FRMD4A: variants seen among roughly 807,000 people sequenced by gnomAD.
The protein encoded by FRMD4A is FERM domain-containing protein 4A.
In FRMD4A, 29 loss-of-function variants were observed where a neutral mutation model predicts 129.1. The observed-to-expected ratio is 0.22, with a 90% CI of 0.17 to 0.31. The LOEUF is 0.31. FRMD4A is among the 10% of genes least tolerant of loss of function. FRMD4A has a pLI of 1.00. For missense variants in FRMD4A, 1,272 were observed against 1,375.8 expected (o/e 0.92, Z 1.19); for synonymous variants, 634 against 571.6 (o/e 1.11, Z -1.56).
intron 20 of FRMD4A, among the ~76,000 whole-genome samples, chr10:13,659,791 A>AC (rs768558860): frequency 6.0e-5 from 9 of 150,594 alleles, no homozygotes; most frequent in Non-Finnish European, 1.2e-4. Context: ...CTGTCCTGGC[A>AC]CCCCCCTTGG....
Position 13,657,105 on chromosome 10 carries a change from G to C in FRMD4A, c.2484C>G (p.Pro828=), listed in dbSNP as rs777791468. The change falls in exon 22 of 25, where the codon CCC becomes CCG. Residue 828 remains proline (P), a synonymous_variant. Coordinates refer to ENST00000357447, the MANE Select transcript of FRMD4A (RefSeq NM_018027.5). ...GGVYLHSQSQ[P]SSQYRIKEYP... ...ACTCCTTGATGCGGTACTGCGAGCT[G>C]GGCTGGCTCTGGCTGTGCAGGTACA... The C allele has an allele frequency of 6.4e-7, 1 of 1,565,534 alleles. No individual in the cohort carries two copies. The highest frequency in any genetic ancestry group is 1.4e-5 in the African/African-American group (1 of 72,480).
chr10:13,775,426 T>A (rs1043244103), intron 6 of FRMD4A, among the ~76,000 whole-genome samples: 1 of 150,524 alleles, frequency 6.6e-6, no homozygotes, highest in African/African-American at 2.4e-5. Context: ...CTGAGAGAAA[T>A]TTTTTTTTTG....
At chr10:14,206,455 A>T (rs1842783078) in intron 2 of FRMD4A, among the ~76,000 whole-genome samples, 1 of 151,988 alleles carries the variant, frequency 6.6e-6, no homozygotes, top group Admixed American at 6.6e-5. Flanking sequence ...ATTTCTTGTC[A>T]CTATCTCTTA....
intron 3 of FRMD4A, among the ~76,000 whole-genome samples, chr10:13,826,060 C>G (rs934746117): frequency 4.6e-5 from 7 of 152,242 alleles, no homozygotes; most frequent in African/African-American, 1.7e-4. Context: ...ATCTGCCTCA[C>G]TTTGAACATT....
chr10:13,888,285 A>T (rs144923982), intron 2 of FRMD4A, among the ~76,000 whole-genome samples: 1 of 152,098 alleles, frequency 6.6e-6, no homozygotes, highest in African/African-American at 2.4e-5. Context: ...TGGAGGAAAA[A>T]CCCAAATATC....
chr10:13,897,434 G>A (rs1452297575), intron 2 of FRMD4A, among the ~76,000 whole-genome samples: 2 of 152,140 alleles, frequency 1.3e-5, no homozygotes, highest in African/African-American at 2.4e-5. Context: ...GTGCTCTGAG[G>A]TTTGGAAATG....
intron 3 of FRMD4A, among the ~76,000 whole-genome samples, chr10:13,845,184 C>T (rs1343808635): frequency 6.6e-6 from 1 of 152,160 alleles, no homozygotes; most frequent in East Asian, 1.9e-4. Context: ...AAAACCTAGT[C>T]CACTTATTTA....
intron 3 of FRMD4A, among the ~76,000 whole-genome samples, chr10:13,845,274 A>G (rs1344103028): frequency 6.6e-6 from 1 of 152,180 alleles, no homozygotes; most frequent in Non-Finnish European, 1.5e-5. Context: ...CATGAGTTAT[A>G]TATGGCGTTG....
At chr10:14,079,748 G>A (rs1454684089) in intron 2 of FRMD4A, among the ~76,000 whole-genome samples, 2 of 152,184 alleles carry the variant, frequency 1.3e-5, no homozygotes, top group East Asian at 3.8e-4. Context: ...GGACCAGGCT[G>A]AGACTCAGAA....
intron 2 of FRMD4A, among the ~76,000 whole-genome samples, chr10:13,885,458 G>C (rs536261871): frequency 6.6e-6 from 1 of 152,142 alleles, no homozygotes; most frequent in Non-Finnish European, 1.5e-5. Context: ...TCCACATCAG[G>C]AGGCAGGGAC....
At chr10:13,972,605 G>A (rs1260870372) in intron 2 of FRMD4A, among the ~76,000 whole-genome samples, 1 of 152,122 alleles carries the variant, frequency 6.6e-6, no homozygotes, top group African/African-American at 2.4e-5. Flanking sequence ...TGCATGTTGG[G>A]TAAGCTACAG....
At chr10:13,755,089 TGTAGCTG>T (rs924360401) in intron 8 of FRMD4A, among the ~76,000 whole-genome samples, 14 of 152,342 alleles carry the variant, frequency 9.2e-5, no homozygotes, top group African/African-American at 3.4e-4. Context: ...GTCTCCATGT[TGTAGCTG>T]GCAAGAAAAT....
chr10:13,802,555 G>T (rs755181415), intron 4 of FRMD4A, among the ~76,000 whole-genome samples: 19 of 152,116 alleles, frequency 1.2e-4, no homozygotes, highest in Non-Finnish European at 2.5e-4. Context: ...GGGCTCAAGC[G>T]ATCCTTCTGC....
intron 15 of FRMD4A, among the ~76,000 whole-genome samples, chr10:13,678,867 C>G (rs1205446115): frequency 1.3e-5 from 2 of 152,164 alleles, no homozygotes; most frequent in African/African-American, 4.8e-5. Context: ...GGATAATTAG[C>G]ATATCCATTA....
At chr10:14,005,559 G>A (rs549361964) in intron 2 of FRMD4A, among the ~76,000 whole-genome samples, 2 of 152,318 alleles carry the variant, frequency 1.3e-5, no homozygotes, top group Admixed American at 6.5e-5. Flanking sequence ...TGGAAATCAT[G>A]TTCTTCTCTT....
chr10:14,185,760 C>G (rs756309952), intron 2 of FRMD4A, among the ~76,000 whole-genome samples: 2 of 152,112 alleles, frequency 1.3e-5, no homozygotes, highest in Non-Finnish European at 2.9e-5. Flanking sequence ...CAGGCTAGTA[C>G]CAGCCAAAGC....
chr10:14,120,491 T>C (rs1161434492), intron 2 of FRMD4A, among the ~76,000 whole-genome samples: 2 of 152,208 alleles, frequency 1.3e-5, no homozygotes, highest in Admixed American at 6.5e-5. Context: ...AATGAATAAA[T>C]GAACACATGG....
intron 2 of FRMD4A, among the ~76,000 whole-genome samples, chr10:14,084,524 C>T (rs996005547): frequency 2.0e-5 from 3 of 152,176 alleles, no homozygotes; most frequent in African/African-American, 4.8e-5. Context: ...TTTGACATCT[C>T]AGGTCTTACA....
chr10:14,058,055 C>A (rs1350598119), intron 2 of FRMD4A, among the ~76,000 whole-genome samples: 1 of 152,216 alleles, frequency 6.6e-6, no homozygotes, highest in African/African-American at 2.4e-5. Context: ...CCCACCCAGG[C>A]CTTCCAGGGA....
Sources: gnomAD v4.1 joint callset for allele counts (sites outside exome capture counted in the v4.1 genomes callset) on GRCh38, gnomAD v4.1.1 for gene constraint, MANE v1.5 for transcripts, NCBI Gene and HGNC (gene_info 2026-07-23, HGNC 2026-07-21) for gene names.